TRPC6: variants seen among roughly 807,000 people sequenced by gnomAD.
TRPC6 encodes short transient receptor potential channel 6.
Under a neutral mutation model 90.7 loss-of-function variants are expected in TRPC6, and 55 were observed. That is an observed-to-expected ratio of 0.61 (90% CI 0.49 to 0.76). TRPC6 has a LOEUF of 0.76. TRPC6 is among the 30% of genes least tolerant of loss of function. TRPC6 has a pLI of 0.00. For missense variants in TRPC6, 989 were observed against 1,122.7 expected (o/e 0.88, Z 1.70); for synonymous variants, 393 against 393.0 (o/e 1.00, Z 0.00).
chr11:101,573,918 ATACGTGTGTGTG>A lies in TRPC6; in HGVS notation c.170+9404_170+9415del, dbSNP rs1294820641. ...AGCTCCTTTCAAGCCTAAGAAACAA[ATACGTGTGTGTG>A]TGTGTGTGTGTGTGTGTGTGTGTGT... On this transcript the variant is annotated intron_variant, in intron 1 of 12. Coordinates refer to ENST00000344327, the MANE Select transcript of TRPC6 (RefSeq NM_004621.6). Among the ~76,000 whole-genome samples the A allele has an allele frequency of 1.3e-4, 10 of 78,960 alleles. 2 individuals carry two copies. Among genetic ancestry groups the A allele is most frequent in the African/African-American group, 4.2e-4 (9 of 21,440 alleles). 51.8% of individuals were successfully genotyped at this position (78,960 alleles called of 152,430 possible).
Position 101,476,351 on chromosome 11 carries a change from T to A in TRPC6, c.1694A>T (p.Lys565Met). The A allele has an allele frequency of 6.2e-7, 1 of 1,614,126 alleles. No homozygotes were observed. Among genetic ancestry groups the A allele is most frequent in the South Asian group, 1.1e-5 (1 of 91,086 alleles). Residue 565 changes from lysine to methionine, a missense_variant, in exon 6 of 13, where the codon AAG (lysine) becomes ATG (methionine). By Grantham distance (95) the Lys-to-Met change is moderately conservative. This residue lies in a region of TRPC6 where 486 missense variants were observed against 591.9 expected (regional missense o/e 0.82). Transcript: ENST00000344327. ...TCCCAATGTTACTTTCGTCAAGTCC[T>A]TCAAAGTATCATTTGCGTCAATGAT... ...QSIIDANDTL[K>M]DLTKVTLGDN...
intron 1 of TRPC6, among the ~76,000 whole-genome samples, chr11:101,548,430 AAT>A (rs1179656212): frequency 3.5e-5 from 5 of 142,576 alleles, no homozygotes; most frequent in African/African-American, 1.3e-4. Flanking sequence ...TTAATATATA[AAT>A]ATATAATACA....
At chr11:101,547,317 G>A (rs1861329665) in intron 1 of TRPC6, among the ~76,000 whole-genome samples, 2 of 151,904 alleles carry the variant, frequency 1.3e-5, no homozygotes, top group Admixed American at 1.3e-4. Flanking sequence ...AAGTCTATAT[G>A]GGCCCTGAGA....
At chr11:101,567,454 C>A (rs1861863195) in intron 1 of TRPC6, among the ~76,000 whole-genome samples, 1 of 152,188 alleles carries the variant, frequency 6.6e-6, no homozygotes, top group South Asian at 2.1e-4. Flanking sequence ...CAGACTTAAA[C>A]GTCCCTGCCA....
chr11:101,541,738 T>C (rs557552207), intron 1 of TRPC6, among the ~76,000 whole-genome samples: 2 of 152,332 alleles, frequency 1.3e-5, no homozygotes, highest in Admixed American at 6.5e-5. Context: ...CCTTCTTCAA[T>C]TGCTATGCAG....
intron 1 of TRPC6, among the ~76,000 whole-genome samples, chr11:101,522,734 C>T (rs1860690037): frequency 1.3e-5 from 2 of 152,144 alleles, no homozygotes. Context: ...TAAAACAGGG[C>T]CTGCACCTGT....
intron 1 of TRPC6, among the ~76,000 whole-genome samples, chr11:101,542,520 T>C (rs1054980340): frequency 9.2e-5 from 14 of 152,076 alleles, no homozygotes; most frequent in African/African-American, 3.1e-4. Context: ...AACCAAATGA[T>C]GTATTTGGGT....
At chr11:101,571,668 A>G (rs7481496) in intron 1 of TRPC6, among the ~76,000 whole-genome samples, 15,846 of 152,254 alleles carry the variant, frequency 0.1, 1,444 homozygotes, top group East Asian at 0.47. Context: ...GTACCAAAAC[A>G]GATATACAGA....
At chr11:101,483,276 A>G in intron 4 of TRPC6, 111 bp from the exon 5 acceptor site, 3 of 1,205,156 alleles carry the variant, frequency 2.5e-6, no homozygotes, top group Non-Finnish European at 3.6e-6. Context: ...ATCTCCTGAG[A>G]TAATTGTTTA....
chr11:101,574,748 T>C (rs148057811), intron 1 of TRPC6, among the ~76,000 whole-genome samples: 1 of 152,226 alleles, frequency 6.6e-6, no homozygotes, highest in Non-Finnish European at 1.5e-5. Flanking sequence ...AACTCAGTAA[T>C]AACAAAAATG....
chr11:101,470,242 A>T (rs1859256088), intron 9 of TRPC6, among the ~76,000 whole-genome samples: 1 of 152,196 alleles, frequency 6.6e-6, no homozygotes, highest in African/African-American at 2.4e-5. Context: ...TTGCTCTTAT[A>T]TCGAATTAAA....
chr11:101,460,684 T>C (rs1435831552), intron 10 of TRPC6, among the ~76,000 whole-genome samples: 1 of 152,200 alleles, frequency 6.6e-6, no homozygotes, highest in Admixed American at 6.5e-5. Flanking sequence ...CCTTGGAATA[T>C]TCAATTAAGA....
intron 1 of TRPC6, among the ~76,000 whole-genome samples, chr11:101,539,642 T>C (rs1861127891): frequency 6.6e-6 from 1 of 152,230 alleles, no homozygotes; most frequent in African/African-American, 2.4e-5. Context: ...ACTATGCTTC[T>C]TTTACCATCA....
chr11:101,577,974 C>T (rs1252543773), intron 1 of TRPC6, among the ~76,000 whole-genome samples: 4 of 147,026 alleles, frequency 2.7e-5, no homozygotes, highest in Admixed American at 1.4e-4. Context: ...ACTCTTCTGC[C>T]CAACTTAGCT....
intron 9 of TRPC6, among the ~76,000 whole-genome samples, chr11:101,470,809 CCCCCCCCCCT>C (rs1565206433): frequency 0.087 from 3,782 of 43,320 alleles, 257 homozygotes; most frequent in African/African-American, 0.36. Flanking sequence ...GTTGCCCCGC[CCCCCCCCCCT>C]CCCCGAGTCA....
intron 1 of TRPC6, among the ~76,000 whole-genome samples, chr11:101,558,266 TGGGTATAC>T (rs1861617104): frequency 1.1e-5 from 1 of 92,580 alleles, no homozygotes; most frequent in African/African-American, 4.1e-5. Context: ...TACATGTATA[TGGGTATAC>T]ATGTATATAT....
intron 1 of TRPC6, among the ~76,000 whole-genome samples, chr11:101,540,655 T>C (rs1206201052): frequency 6.6e-6 from 1 of 152,214 alleles, no homozygotes; most frequent in Non-Finnish European, 1.5e-5. Flanking sequence ...CATAACTTAA[T>C]ATTAAAAATA....
chr11:101,541,431 G>A (rs7951375), intron 1 of TRPC6, among the ~76,000 whole-genome samples: 4,830 of 152,152 alleles, frequency 0.032, 258 homozygotes, highest in African/African-American at 0.099. Flanking sequence ...GTGCCATCTC[G>A]GCTCACTGCA....
chr11:101,542,074 C>T (rs1219915908), intron 1 of TRPC6, among the ~76,000 whole-genome samples: 1 of 142,780 alleles, frequency 7.0e-6, no homozygotes, highest in Non-Finnish European at 1.5e-5. Flanking sequence ...AGAACTATTC[C>T]TAGATAAATT....
Sources: gnomAD v4.1 joint callset for allele counts (sites outside exome capture counted in the v4.1 genomes callset) on GRCh38, gnomAD v4.1.1 for gene constraint, gnomAD v4.1.1 regional missense constraint, MANE v1.5 for transcripts, NCBI Gene and HGNC (gene_info 2026-07-23, HGNC 2026-07-21) for gene names.